Variants in MCPH1 observed in about 807,000 individuals in gnomAD.
The protein encoded by MCPH1 is microcephalin 1.
MCPH1 carries 104 observed loss-of-function variants against 84.5 expected under a neutral mutation model. That is an observed-to-expected ratio of 1.23 (90% CI 1.05 to 1.45). The LOEUF (loss-of-function observed/expected upper bound fraction) is 1.45. Ranked by LOEUF, MCPH1 falls within the 40% of genes most tolerant of loss-of-function variation. MCPH1 has a pLI of 0.00. For missense variants in MCPH1, 1,498 were observed against 1,005.7 expected, an observed-to-expected ratio of 1.49 and a Z score of -6.62; for synonymous variants, 514 against 366.8, an observed-to-expected ratio of 1.40 and a Z score of -4.58.
chr8:6,642,605 C>T (rs908844039), intron 13 of MCPH1: 18 of 348,704 alleles, frequency 5.2e-5, no homozygotes, highest in Non-Finnish European at 8.9e-5. Context: ...TATGTATTTA[C>T]TTATACTCTG....
chr8:6,463,251 A>C (rs1376494732), intron 9 of MCPH1, among the ~76,000 whole-genome samples: 1 of 152,164 alleles, frequency 6.6e-6, no homozygotes, highest in East Asian at 1.9e-4. Context: ...CTGCGGTCAG[A>C]AATGCCCGCT....
chr8:6,612,218 C>G (rs189002234), intron 12 of MCPH1, among the ~76,000 whole-genome samples: 3 of 152,184 alleles, frequency 2.0e-5, no homozygotes, highest in Non-Finnish European at 4.4e-5. Context: ...ATACATATTT[C>G]TCGTTATAGC....
intron 12 of MCPH1, among the ~76,000 whole-genome samples, chr8:6,578,107 A>C (rs1827262263): frequency 6.6e-6 from 1 of 152,196 alleles, no homozygotes; most frequent in Admixed American, 6.5e-5. Context: ...GCTACAAACA[A>C]CACACTGGCA....
intron 3 of MCPH1, among the ~76,000 whole-genome samples, chr8:6,425,468 G>A (rs937677648): frequency 5.3e-5 from 8 of 152,110 alleles, no homozygotes; most frequent in South Asian, 2.1e-4. Context: ...CATGCAGAAC[G>A]GCATTACCAG....
intron 12 of MCPH1, among the ~76,000 whole-genome samples, chr8:6,608,178 G>A (rs905450331): frequency 1.3e-5 from 2 of 152,150 alleles, no homozygotes; most frequent in African/African-American, 2.4e-5. Context: ...GAGGTCGCAC[G>A]GCCTGCCCGG....
chr8:6,416,721 C>T (rs1054714592), intron 3 of MCPH1, among the ~76,000 whole-genome samples: 2 of 152,124 alleles, frequency 1.3e-5, no homozygotes, highest in African/African-American at 4.8e-5. Flanking sequence ...AGGCCGGATG[C>T]GGTGGCTCAC....
chr8:6,562,712 C>G, intron 12 of MCPH1: 3 of 1,613,330 alleles, frequency 1.9e-6, no homozygotes, highest in Non-Finnish European at 2.5e-6. Flanking sequence ...TGCACCGAGT[C>G]ATCGTATTCG....
intron 12 of MCPH1, among the ~76,000 whole-genome samples, chr8:6,536,726 G>T (rs891105850): frequency 1.3e-5 from 2 of 152,084 alleles, no homozygotes; most frequent in African/African-American, 4.8e-5. Flanking sequence ...AAATCACCAC[G>T]TATCAAGGAT....
intron 8 of MCPH1, among the ~76,000 whole-genome samples, chr8:6,448,398 A>T (rs753210702): frequency 6.6e-6 from 1 of 152,182 alleles, no homozygotes; most frequent in African/African-American, 2.4e-5. Flanking sequence ...AGGAGGTTGG[A>T]GAGGGGTAAG....
chr8:6,450,264 T>C (rs1309895131), intron 8 of MCPH1, among the ~76,000 whole-genome samples: 1 of 152,052 alleles, frequency 6.6e-6, no homozygotes, highest in Non-Finnish European at 1.5e-5. Context: ...TAAACATTTA[T>C]TGGCAAGCAA....
At position 6,636,419 on chromosome 8, in the gene MCPH1, G is replaced by C. The variant is rs369630698; in HGVS notation, c.2453-6575G>C. Among the ~76,000 whole-genome samples the C allele has an allele frequency of 3.9e-5, 6 of 151,966 alleles. No homozygotes were observed. In the South Asian group the frequency reaches 6.2e-4, roughly 16 times the overall value. ...TTGTCCACATGGGGGTGAGGGCTGA[G>C]ATAGTGATACCTCTGCTTTCTGATG... On this transcript the variant is annotated intron_variant, in intron 13 of 13. Coordinates refer to ENST00000344683, the MANE Select transcript of MCPH1 (RefSeq NM_024596.5).
At chr8:6,611,297 C>G (rs34078990) in intron 12 of MCPH1, among the ~76,000 whole-genome samples, 6,828 of 152,282 alleles carry the variant, frequency 0.045, 474 homozygotes, top group African/African-American at 0.15. Context: ...GCCCCGCAAG[C>G]CTGCCCCCCT....
chr8:6,467,194 T>G (rs1039182263), intron 9 of MCPH1, among the ~76,000 whole-genome samples: 2 of 152,214 alleles, frequency 1.3e-5, no homozygotes, highest in African/African-American at 4.8e-5. Flanking sequence ...TATATATCAA[T>G]AGTGAGTCTG....
At chr8:6,623,791 CA>C (rs1312266027) in intron 13 of MCPH1, among the ~76,000 whole-genome samples, 2 of 148,520 alleles carry the variant, frequency 1.3e-5, no homozygotes, top group East Asian at 4.1e-4. Flanking sequence ...ATATAACCTT[CA>C]AAACATCCTA....
intron 13 of MCPH1, among the ~76,000 whole-genome samples, chr8:6,628,713 G>A (rs1327679778): frequency 6.6e-6 from 1 of 152,178 alleles, no homozygotes; most frequent in East Asian, 1.9e-4. Flanking sequence ...AAAGCCCCCT[G>A]CAAACACTCC....
chr8:6,536,641 C>G (rs1820550743), intron 12 of MCPH1, among the ~76,000 whole-genome samples: 1 of 152,140 alleles, frequency 6.6e-6, no homozygotes, highest in South Asian at 2.1e-4. Context: ...TACAGAAAGA[C>G]TATGGATGTC....
At chr8:6,531,207 C>T (rs1819443560) in intron 12 of MCPH1, among the ~76,000 whole-genome samples, 1 of 151,778 alleles carries the variant, frequency 6.6e-6, no homozygotes, top group Non-Finnish European at 1.5e-5. Flanking sequence ...TGTTGTGCAT[C>T]ATTTAGCATG....
intron 11 of MCPH1, among the ~76,000 whole-genome samples, chr8:6,484,171 T>G (rs748426104): frequency 1.3e-5 from 2 of 152,224 alleles, no homozygotes; most frequent in Non-Finnish European, 2.9e-5. Flanking sequence ...ACAAAAGATT[T>G]ATGTCTGGAA....
chr8:6,410,579 T>C (rs1022721407), intron 2 of MCPH1, among the ~76,000 whole-genome samples: 3 of 152,208 alleles, frequency 2.0e-5, no homozygotes, highest in Non-Finnish European at 4.4e-5. Context: ...CTTAATAATG[T>C]CCTTGATACC....
Sources: gnomAD v4.1 joint callset for allele counts (sites outside exome capture counted in the v4.1 genomes callset) on GRCh38, gnomAD v4.1.1 for gene constraint, MANE v1.5 for transcripts, NCBI Gene and HGNC (gene_info 2026-07-23, HGNC 2026-07-21) for gene names.